CNOT9: variants seen among roughly 807,000 people sequenced by gnomAD.
CNOT9 encodes RCD1 required for cell differentiation1 homolog.
A neutral mutation model predicts 37.4 loss-of-function variants in CNOT9; 8 were observed. The observed-to-expected ratio is 0.21, with a 90% CI of 0.13 to 0.39. The LOEUF (loss-of-function observed/expected upper bound fraction) is 0.39. Ranked by LOEUF, CNOT9 falls within the 10% of genes least tolerant of loss-of-function variation. CNOT9 has a pLI of 1.00. For synonymous variants in CNOT9, 120 were observed against 137.6 expected (o/e 0.87, Z 0.90); for missense variants, 154 against 365.3 (o/e 0.42, Z 4.71).
chr2:218,577,874 GCCCC>G (rs1471297573), intron 1 of CNOT9, among the ~76,000 whole-genome samples: 1 of 152,154 alleles, frequency 6.6e-6, no homozygotes, highest in Non-Finnish European at 1.5e-5. Context: ...TATCTGTGAG[GCCCC>G]CTTTGGTTAC....
At chr2:218,574,176 A>AGGCTGGTCTCG in intron 1 of CNOT9, 13 of 280,614 alleles carry the variant, frequency 4.6e-5, no homozygotes, top group Non-Finnish European at 5.8e-5. Flanking sequence ...CACTGTGTTG[A>AGGCTGGTCTCG]AACTCCTGAC....
intron 1 of CNOT9, among the ~76,000 whole-genome samples, chr2:218,578,744 G>C (rs1694263274): frequency 6.6e-6 from 1 of 152,156 alleles, no homozygotes; most frequent in Admixed American, 6.6e-5. Flanking sequence ...CCAGGAATTT[G>C]TTAGCAGTTT....
rs1384270952 is a variant in CNOT9, at chr2:218,583,077, C to T, written c.311C>T (p.Pro104Leu). 1 of 1,609,276 alleles carries T rather than the reference C, an allele frequency of 6.2e-7. No individual in the cohort carries two copies. The highest frequency in any genetic ancestry group is 1.7e-5 in the Admixed American group (1 of 59,976). The change falls in exon 3 of 8, where the codon CCA becomes CTA. Residue 104 changes from proline (P) to leucine (L), a missense_variant. Physicochemically the swap from Pro to Leu is moderately conservative, Grantham distance 98. This residue lies in a region of CNOT9 where 117 missense variants were observed against 325.4 expected (regional missense o/e 0.36). Coordinates refer to ENST00000273064, the MANE Select transcript of CNOT9 (RefSeq NM_005444.3). The stretch of plus-strand genomic sequence containing the variant: ...TTACTGCAATGTGTAGCATCACATC[C>T]AGAAACCAGGTAAATGCTTTGGGTG... ...LALLQCVASHPETRSAFLAAH... is the reference protein window; with the variant it reads ...LALLQCVASHLETRSAFLAAH...
intron 4 of CNOT9, 152 bp from the exon 5 acceptor site, chr2:218,587,434 T>C: frequency 7.8e-7 from 1 of 1,283,424 alleles, no homozygotes; most frequent in Non-Finnish European, 9.9e-7. Context: ...TTCCTTTTTT[T>C]TTTTAATACG....
At chr2:218,586,504 T>G (rs1196148875) in intron 4 of CNOT9, among the ~76,000 whole-genome samples, 1 of 151,512 alleles carries the variant, frequency 6.6e-6, no homozygotes, top group Non-Finnish European at 1.5e-5. Context: ...TTTTTTTTTT[T>G]GTGAGACAGA....
At position 218,596,130 on chromosome 2, in the gene CNOT9, C is replaced by T. The variant is rs1453588252; in HGVS notation, c.*1854C>T. The stretch of plus-strand genomic sequence containing the variant: ...TGCTGAGCCAAAGTTTTCTCATTAC[C>T]CCTCCACTGGGGAAGCAGCTGAGGC... On this transcript the variant is annotated 3_prime_UTR_variant, in exon 8 of 8. Transcript: ENST00000273064. 6.6e-6 allele frequency: 1 copy of T among 152,206 alleles called. No individual in the cohort carries two copies. The highest frequency in any genetic ancestry group is 1.5e-5 in the Non-Finnish European group (1 of 68,094). The allele number at this position is 152,206 out of a possible 1,614,324, so 9.4% of individuals were successfully genotyped here.
Position 218,580,739 on chromosome 2 carries a change from A to G in CNOT9, c.203A>G (p.Gln68Arg). 1 of 1,612,712 alleles carries G rather than the reference A, an allele frequency of 6.2e-7. No homozygotes were observed. The highest frequency in any genetic ancestry group is 8.5e-7 in the Non-Finnish European group (1 of 1,179,122). The stretch of plus-strand genomic sequence containing the variant: ...TTTGGTACTATTGCAGCACTTTTAC[A>G]GGTGGGTTCATGTCCATGATTGGCA... ...HSFGTIAALL[Q>R]EIVNIYPSIN... is the part of the protein sequence containing the mutation. The change falls in exon 2 of 8, where the codon CAG becomes CGG. Residue 68 changes from glutamine (Q) to arginine (R), a missense_variant and splice_region_variant. Physicochemically the swap from Gln to Arg is conservative, Grantham distance 43. Coordinates refer to ENST00000273064, the MANE Select transcript of CNOT9 (RefSeq NM_005444.3).
intron 2 of CNOT9, among the ~76,000 whole-genome samples, chr2:218,582,210 C>A (rs1302492863): frequency 6.6e-6 from 1 of 152,204 alleles, no homozygotes; most frequent in Non-Finnish European, 1.5e-5. Flanking sequence ...CATGTTACTA[C>A]CTAACCAAAT....
chr2:218,581,047 G>A (rs1694355403), intron 2 of CNOT9: 1 of 510,974 alleles, frequency 2.0e-6, no homozygotes, highest in Non-Finnish European at 3.8e-6. Context: ...CACCGCTTTA[G>A]GAGTACTGTA....
At chr2:218,575,096 G>A (rs1694121238) in intron 1 of CNOT9, among the ~76,000 whole-genome samples, 1 of 152,152 alleles carries the variant, frequency 6.6e-6, no homozygotes, top group Admixed American at 6.5e-5. Context: ...GGTTTGGAAA[G>A]TTAAATGACT....
intron 1 of CNOT9, among the ~76,000 whole-genome samples, chr2:218,579,332 T>C (rs969442955): frequency 6.6e-6 from 1 of 152,208 alleles, no homozygotes; most frequent in Non-Finnish European, 1.5e-5. Context: ...ATGGAAACAT[T>C]TTATATGCTC....
At position 218,568,991 on chromosome 2, in the gene CNOT9, G is replaced by T. The variant is rs1416434402; in HGVS notation, c.24+13G>T. 4 of 1,611,286 alleles carry T rather than the reference G, an allele frequency of 2.5e-6. No homozygotes were observed. The East Asian group carries it at 6.7e-5, about 27-fold the overall frequency. The stretch of plus-strand genomic sequence containing the variant: ...GGCGACGGCTGCGGTGAGTGGCTGG[G>T]CCCCCAGGCTTGGAACCAGAATCCT... On this transcript the variant is annotated intron_variant, in intron 1 of 7. Coordinates refer to ENST00000273064, the MANE Select transcript of CNOT9 (RefSeq NM_005444.3).
intron 5 of CNOT9, among the ~76,000 whole-genome samples, chr2:218,587,903 C>T (rs899367765): frequency 1.3e-5 from 2 of 152,218 alleles, no homozygotes; most frequent in African/African-American, 4.8e-5. Context: ...TCCAAACCCA[C>T]ATCTCACTCC....
chr2:218,572,671 A>G (rs2106077937), intron 1 of CNOT9: 2 of 985,144 alleles, frequency 2.0e-6, no homozygotes, highest in Non-Finnish European at 2.4e-6. Context: ...TGCCATAGGT[A>G]TTCTGTAATG....
Position 218,592,286 on chromosome 2 carries a change from G to A in CNOT9, c.541-18G>A, listed in dbSNP as rs374447663. On this transcript the variant is annotated intron_variant, in intron 5 of 7. Coordinates refer to ENST00000273064, the MANE Select transcript of CNOT9 (RefSeq NM_005444.3). The surrounding 1 kb of genome is among the most constrained non-coding windows in gnomAD (Gnocchi z 4.1). ...ATCTGAGCAACTTTATAAACTCTTC[G>A]ATTTTGTTTTGCTTCAGGTTGCCAC... 2.7e-5 allele frequency: 42 copies of A among 1,581,146 alleles called. No individual in the cohort carries two copies. Among genetic ancestry groups the A allele is most frequent in the East Asian group, 4.5e-5 (2 of 44,714 alleles).
At chr2:218,585,609 T>C (rs1694562944) in intron 4 of CNOT9, among the ~76,000 whole-genome samples, 1 of 149,610 alleles carries the variant, frequency 6.7e-6, no homozygotes. Flanking sequence ...GTACTAGCAA[T>C]GAACAATAGG....
intron 2 of CNOT9, among the ~76,000 whole-genome samples, chr2:218,581,596 G>A (rs920389146): frequency 2.6e-5 from 4 of 152,080 alleles, no homozygotes; most frequent in African/African-American, 9.7e-5. Flanking sequence ...AACTGATATG[G>A]TACAATAACA....
At chr2:218,573,399 TAGAA>T (rs1435881834) in intron 1 of CNOT9, among the ~76,000 whole-genome samples, 2 of 152,136 alleles carry the variant, frequency 1.3e-5, no homozygotes, top group African/African-American at 4.8e-5. Flanking sequence ...CCAGCACTAT[TAGAA>T]AGTTCATTTT....
intron 4 of CNOT9, among the ~76,000 whole-genome samples, chr2:218,585,597 A>G (rs1694562501): frequency 6.6e-6 from 1 of 150,866 alleles, no homozygotes; most frequent in South Asian, 2.1e-4. Context: ...TTAAATTTCC[A>G]TGTACTAGCA....
Sources: gnomAD v4.1 joint callset for allele counts (sites outside exome capture counted in the v4.1 genomes callset) on GRCh38, gnomAD v4.1.1 for gene constraint, gnomAD v4.1.1 regional missense constraint, Gnocchi (gnomAD v3.1) non-coding constraint, MANE v1.5 for transcripts, NCBI Gene and HGNC (gene_info 2026-07-23, HGNC 2026-07-21) for gene names.